Variants in IVD observed in about 807,000 individuals in gnomAD.
IVD encodes the protein isovaleryl-CoA dehydrogenase, mitochondrial.
A neutral mutation model predicts 51.3 loss-of-function variants in IVD; 31 were observed. The observed-to-expected ratio is 0.60, with a 90% CI of 0.45 to 0.81. IVD has a LOEUF of 0.81. Among genes scored for constraint, IVD ranks in the 40% least tolerant of loss-of-function variants. The probability of loss-of-function intolerance (pLI) is 0.00; values close to 1 mark genes in which losing one functional copy is unlikely to be tolerated. For synonymous variants in IVD, 205 were observed against 219.4 expected, an observed-to-expected ratio of 0.93 and a Z score of 0.58; for missense variants, 475 against 552.0, an observed-to-expected ratio of 0.86 and a Z score of 1.40.
chr15:40,410,803 G>A lies in IVD; in HGVS notation c.456+6G>A. The A allele has an allele frequency of 1.2e-6, 2 of 1,614,008 alleles. No individual in the cohort carries two copies. Among genetic ancestry groups the A allele is most frequent in the East Asian group, 4.5e-5 (2 of 44,874 alleles). ...AAGAGAAGTATCTCCCGAAGGTGAG[G>A]AAATGGAAATGTAATACACGCTAAT... On this transcript the variant is annotated splice_donor_region_variant and intron_variant, in intron 4 of 11. Coordinates refer to ENST00000487418, the MANE Select transcript of IVD (RefSeq NM_002225.5).
intron 6 of IVD, 80 bp downstream of exon 6, chr15:40,411,771 A>G: frequency 2.7e-6 from 4 of 1,496,708 alleles, no homozygotes; most frequent in Non-Finnish European, 3.7e-6. Flanking sequence ...ACTGATCTCA[A>G]ATGGAATCAG....
chr15:40,423,350 C>A (rs1892475128), downstream of IVD, among the ~76,000 whole-genome samples: 1 of 152,192 alleles, frequency 6.6e-6, no homozygotes, highest in African/African-American at 2.4e-5. Context: ...ATTCCCACTC[C>A]CAGGACAAAA....
chr15:40,425,725 G>A (rs1406996583), downstream of IVD, among the ~76,000 whole-genome samples: 17 of 151,976 alleles, frequency 1.1e-4, no homozygotes, highest in Non-Finnish European at 2.4e-4. Context: ...GCTTCATCAT[G>A]TCGCCCAGGC....
At chr15:40,408,339 A>C (rs1378128515) in intron 3 of IVD, among the ~76,000 whole-genome samples, 1 of 152,220 alleles carries the variant, frequency 6.6e-6, no homozygotes, top group Non-Finnish European at 1.5e-5. Flanking sequence ...CCTCAGTCTT[A>C]CTGCCTCCCC....
At chr15:40,407,752 G>T (rs1890609781) in intron 2 of IVD, 27 bp downstream of exon 2, 1 of 1,593,246 alleles carries the variant, frequency 6.3e-7, no homozygotes, top group African/African-American at 1.3e-5. Flanking sequence ...GGGCAGTCGG[G>T]GGCAGTCAGG....
chr15:40,428,329 T>C (rs1250823605), downstream of IVD, among the ~76,000 whole-genome samples: 4 of 151,920 alleles, frequency 2.6e-5, no homozygotes, highest in Admixed American at 6.6e-5. Flanking sequence ...CACCTAGATA[T>C]TGAGATCCAG....
chr15:40,419,127 AC>A lies in IVD; in HGVS notation c.*865del, dbSNP rs1892031668. 1.6e-6 allele frequency: 2 copies of A among 1,286,880 alleles called. No homozygotes were observed. Among genetic ancestry groups the A allele is most frequent in the Admixed American group, 4.6e-5 (2 of 43,438 alleles). The allele number at this position is 1,286,880 out of a possible 1,614,324, so 79.7% of individuals were successfully genotyped here. ...CTCCAGCCTGGGCGACAAGAGCAAA[AC>A]TCTTCAAAAAACAAAACAAAACAAA... On this transcript the variant is annotated 3_prime_UTR_variant, in exon 12 of 12. Transcript: ENST00000487418.
intron 1 of IVD, 47 bp from the exon 2 acceptor site, chr15:40,407,589 G>A: frequency 7.4e-7 from 1 of 1,346,464 alleles, no homozygotes; most frequent in Non-Finnish European, 1.1e-6. Flanking sequence ...TGTCTGGGTA[G>A]TGGAGATGCT....
chr15:40,426,665 T>C (rs1050101283), downstream of IVD, among the ~76,000 whole-genome samples: 23 of 152,310 alleles, frequency 1.5e-4, no homozygotes, highest in African/African-American at 5.3e-4. Context: ...TGATCAACCT[T>C]ACTAGATAAT....
At chr15:40,423,501 G>T (rs377193407), downstream of IVD, among the ~76,000 whole-genome samples, 1 of 152,044 alleles carries the variant, frequency 6.6e-6, no homozygotes, top group African/African-American at 2.4e-5. Context: ...GCGCTCTCTC[G>T]CCCATGCTGG....
chr15:40,424,303 G>A (rs1453293901), downstream of IVD: 1 of 738,216 alleles, frequency 1.4e-6, no homozygotes, highest in African/African-American at 1.9e-5. Flanking sequence ...CCTGCTGAAT[G>A]TTCGTGTTCT....
chr15:40,426,177 TACA>T (rs1221683565), downstream of IVD, among the ~76,000 whole-genome samples: 1 of 152,234 alleles, frequency 6.6e-6, no homozygotes, highest in South Asian at 2.1e-4. Context: ...AATGTGGAAA[TACA>T]ACAATTTAAT....
Position 40,405,820 on chromosome 15 carries a change from T to G in IVD, c.-8T>G, listed in dbSNP as rs566691073. 6.2e-7 allele frequency: 1 copy of G among 1,611,352 alleles called. No individual in the cohort carries two copies. Among genetic ancestry groups the G allele is most frequent in the Non-Finnish European group, 8.5e-7 (1 of 1,178,186 alleles). On this transcript the variant is annotated 5_prime_UTR_variant, in exon 1 of 12. It removes an upstream start codon present in the reference 5' UTR. Coordinates refer to ENST00000487418, the MANE Select transcript of IVD (RefSeq NM_002225.5). The stretch of plus-strand genomic sequence containing the variant: ...AGTTTCAGCGCTGGCTCTTCGTGCA[T>G]GGCAGAGATGGCGACTGCGACTCGG...
chr15:40,409,711 G>A lies in IVD; in HGVS notation c.287-917G>A, dbSNP rs536750427. Among the ~76,000 whole-genome samples the A allele has an allele frequency of 1.9e-4, 29 of 152,218 alleles. No individual in the cohort carries two copies. The South Asian group carries it at 4.8e-3, about 25-fold the overall frequency. Reference sequence around the variant, plus strand: ...TTGGATCTGCTGCCAAGGAAAAACCGTATATTTTATGAGGAGTTCTGAAAT... The same window carrying A: ...TTGGATCTGCTGCCAAGGAAAAACCATATATTTTATGAGGAGTTCTGAAAT... On this transcript the variant is annotated intron_variant, in intron 3 of 11. Transcript: ENST00000487418.
At chr15:40,424,190 C>T (rs1463048590), downstream of IVD, 1 of 1,288,258 alleles carries the variant, frequency 7.8e-7, no homozygotes, top group East Asian at 5.6e-5. Flanking sequence ...AAGCTCCCCG[C>T]AAATTCTTCA....
chr15:40,424,120 C>A, downstream of IVD: 1 of 1,276,494 alleles, frequency 7.8e-7, no homozygotes, highest in South Asian at 1.3e-5. Context: ...TGCCAACTTG[C>A]CTTCCTTCTT....
At chr15:40,424,290 T>G, downstream of IVD, 1 of 805,078 alleles carries the variant, frequency 1.2e-6, no homozygotes, top group Non-Finnish European at 1.8e-6. Context: ...GCTTCCCTCC[T>G]TCCCTGCTGA....
intron 6 of IVD, among the ~76,000 whole-genome samples, chr15:40,412,041 G>A (rs1371090701): frequency 6.6e-6 from 1 of 152,228 alleles, no homozygotes; most frequent in Non-Finnish European, 1.5e-5. Context: ...TGCAAGTGGA[G>A]ACTGCCCCTG....
intron 7 of IVD, chr15:40,414,601 C>G: frequency 5.1e-6 from 2 of 389,448 alleles, no homozygotes; most frequent in South Asian, 4.3e-5. Flanking sequence ...GACCAATTAA[C>G]TTTTCTTCTT....
Sources: allele counts gnomAD v4.1 joint callset (sites outside exome capture counted in the v4.1 genomes callset), GRCh38; gene constraint gnomAD v4.1.1; transcripts MANE v1.5; gene names NCBI Gene and HGNC (gene_info 2026-07-23, HGNC 2026-07-21).